The following AP1G1 variants were observed in gnomAD, a reference collection of about 807,000 sequenced individuals.
AP1G1 encodes the protein adaptor related protein complex 1 subunit gamma 1.
AP1G1 carries 7 observed loss-of-function variants against 108.3 expected under a neutral mutation model. The ratio of observed to expected loss-of-function variants is 0.06; its 90% confidence interval spans 0.04 to 0.12. The LOEUF (loss-of-function observed/expected upper bound fraction) is 0.12. Among genes scored for constraint, AP1G1 ranks in the 10% least tolerant of loss-of-function variants. AP1G1 has a pLI of 1.00. For missense variants in AP1G1, 756 were observed against 1,010.7 expected, an observed-to-expected ratio of 0.75 and a Z score of 3.42; for synonymous variants, 379 against 353.5, an observed-to-expected ratio of 1.07 and a Z score of -0.81.
At chr16:71,808,610 G>A (rs759708378) in intron 1 of AP1G1, 153 bp downstream of exon 1, 2 of 1,289,614 alleles carry the variant, frequency 1.6e-6, no homozygotes, top group South Asian at 1.2e-5. Flanking sequence ...GGGGCTCCCG[G>A]CCTCTCCTGG....
At chr16:71,746,868 C>T (rs936133701) in intron 16 of AP1G1, 176 bp from the exon 17 acceptor site, 19 of 522,114 alleles carry the variant, frequency 3.6e-5, no homozygotes, top group African/African-American at 5.8e-5. Flanking sequence ...ATCTGACATT[C>T]GCATTATACT....
chr16:71,774,784 G>A (rs1413922754), intron 2 of AP1G1, among the ~76,000 whole-genome samples, 192 bp from the exon 3 acceptor site: 1 of 151,094 alleles, frequency 6.6e-6, no homozygotes, highest in Non-Finnish European at 1.5e-5. Context: ...GCAATGGTGT[G>A]ATCTCGGCTC....
At chr16:71,782,839 C>T (rs1318279867) in intron 2 of AP1G1, among the ~76,000 whole-genome samples, 1 of 152,102 alleles carries the variant, frequency 6.6e-6, no homozygotes, top group East Asian at 1.9e-4. Flanking sequence ...ATGACTGCCT[C>T]TTCTGGTGAT....
In AP1G1 at chr16:71,745,221, A is replaced by G. The variant is rs781758741; in HGVS notation, c.1922T>C (p.Ile641Thr). 27 of 1,614,116 alleles carry G rather than the reference A, an allele frequency of 1.7e-5. No individual in the cohort carries two copies. The highest frequency in any genetic ancestry group is 2.1e-5 in the Non-Finnish European group (25 of 1,180,054). The change falls in exon 19 of 23, where the codon ATT becomes ACT. Residue 641 changes from isoleucine (I) to threonine (T), a missense_variant. Around this residue, in one of 3 missense-constraint regions of AP1G1, gnomAD observed 357 missense variants for 366.5 expected, o/e 0.97. Coordinates refer to ENST00000299980, the MANE Select transcript of AP1G1 (RefSeq NM_001128.6). ...LLGGNDITPV[I>T]PTAPTSKPSS... Reference sequence around the variant, plus strand: ...TGGTTTGCTTGTAGGCGCAGTTGGAATAACAGGTGTTATGTCATTTCCTCC... The same window carrying G: ...TGGTTTGCTTGTAGGCGCAGTTGGAGTAACAGGTGTTATGTCATTTCCTCC...
intron 6 of AP1G1, among the ~76,000 whole-genome samples, chr16:71,767,167 A>G (rs2031350956): frequency 6.6e-6 from 1 of 152,186 alleles, no homozygotes; most frequent in Admixed American, 6.6e-5. Flanking sequence ...TCCACTGCCA[A>G]AAAGGCCAGC....
chr16:71,800,990 C>T (rs2040093695), intron 1 of AP1G1, among the ~76,000 whole-genome samples: 1 of 151,760 alleles, frequency 6.6e-6, no homozygotes, highest in Non-Finnish European at 1.5e-5. Flanking sequence ...AGCAAAACTC[C>T]GTCTCAAAAA....
At chr16:71,787,181 T>C (rs2032233571) in intron 2 of AP1G1, among the ~76,000 whole-genome samples, 1 of 151,788 alleles carries the variant, frequency 6.6e-6, no homozygotes, top group East Asian at 1.9e-4. Context: ...TAGCCGGGTG[T>C]GGTGGCACAC....
At chr16:71,736,093 C>A (rs1455536051) in intron 21 of AP1G1, among the ~76,000 whole-genome samples, 3 of 23,712 alleles carry the variant, frequency 1.3e-4, no homozygotes, top group Non-Finnish European at 1.9e-4. Flanking sequence ...AGTGAGACTC[C>A]ATCTCAAAAA....
chr16:71,760,230 CTTT>C (rs58466690), intron 10 of AP1G1, among the ~76,000 whole-genome samples: 59 of 129,934 alleles, frequency 4.5e-4, no homozygotes, highest in Admixed American at 6.2e-4. Flanking sequence ...ATTTCCACAT[CTTT>C]TTTTTTTTTT....
chr16:71,785,655 C>A (rs534074566), intron 2 of AP1G1, among the ~76,000 whole-genome samples: 4 of 149,522 alleles, frequency 2.7e-5, no homozygotes, highest in Admixed American at 1.3e-4. Context: ...GAGGCCGAGG[C>A]GGGCAGATCA....
chr16:71,787,808 C>G (rs1421403102), intron 2 of AP1G1, among the ~76,000 whole-genome samples: 1 of 152,142 alleles, frequency 6.6e-6, no homozygotes, highest in Non-Finnish European at 1.5e-5. Context: ...CATTCCACTC[C>G]TAACACTCTA....
intron 1 of AP1G1, among the ~76,000 whole-genome samples, chr16:71,803,402 T>G (rs768635119): frequency 6.6e-6 from 1 of 152,128 alleles, no homozygotes; most frequent in Admixed American, 6.6e-5. Context: ...AAGTAAAATT[T>G]CCAAGTACCT....
chr16:71,742,069 A>G (rs541338402), intron 19 of AP1G1, among the ~76,000 whole-genome samples: 2 of 152,316 alleles, frequency 1.3e-5, no homozygotes, highest in South Asian at 4.1e-4. Context: ...CTTAATGTAA[A>G]AAGTGGAAAA....
chr16:71,782,985 T>C (rs2032079957), intron 2 of AP1G1, among the ~76,000 whole-genome samples: 1 of 152,170 alleles, frequency 6.6e-6, no homozygotes, highest in South Asian at 2.1e-4. Flanking sequence ...AAATAGTATC[T>C]GGAGACCACA....
intron 11 of AP1G1, 75 bp from the exon 12 acceptor site, chr16:71,756,234 T>G: frequency 7.4e-7 from 1 of 1,359,542 alleles, no homozygotes; most frequent in Non-Finnish European, 1.0e-6. Flanking sequence ...GTATGCACTC[T>G]GTGAACACCA....
chr16:71,746,671 G>A lies in AP1G1; in HGVS notation c.1647C>T (p.Ser549=). ...CCACATCAATGCTGCTTCCGTAGAT[G>A]GAAACCACTTTCTTAATTCGGCTAT... ...CTVNRIKKVV[S]IYGSSIDVEL... Residue 549 remains serine (S), a synonymous_variant, in exon 17 of 23, where the codon TCC becomes TCT. Coordinates refer to ENST00000299980, the MANE Select transcript of AP1G1 (RefSeq NM_001128.6). 1 of 1,611,758 alleles carries A rather than the reference G, an allele frequency of 6.2e-7. No homozygotes were observed. Among genetic ancestry groups the A allele is most frequent in the Non-Finnish European group, 8.5e-7 (1 of 1,179,072 alleles).
At chr16:71,765,776 G>C in intron 6 of AP1G1, 192 bp from the exon 7 acceptor site, 1 of 510,018 alleles carries the variant, frequency 2.0e-6, no homozygotes, top group Non-Finnish European at 3.6e-6. Context: ...GAAGTAGTAT[G>C]TATTTTATCT....
At chr16:71,739,138 C>A (rs373058857) in intron 20 of AP1G1, 36 bp from the exon 21 acceptor site, 1 of 1,612,330 alleles carries the variant, frequency 6.2e-7, no homozygotes, top group African/African-American at 1.3e-5. Context: ...TTATTGTAGT[C>A]AGCCTAATGC....
chr16:71,734,624 A>T lies in AP1G1; in HGVS notation c.2352T>A (p.Val784=). 1.9e-6 allele frequency: 3 copies of T among 1,613,114 alleles called. No individual in the cohort carries two copies. The highest frequency in any genetic ancestry group is 1.7e-4 in the Middle Eastern group (1 of 6,056). ...NTGTITQVIK[V]LNPQKQQLRM... is the part of the protein sequence containing the mutation. ...TGCTACTCACCTTCTGAGGGTTCAGAACTTTAATGACTTGTGTGATGGTCC... is the reference window on the plus strand; with the variant it reads ...TGCTACTCACCTTCTGAGGGTTCAGTACTTTAATGACTTGTGTGATGGTCC... The change falls in exon 22 of 23, where the codon GTT becomes GTA. Residue 784 remains valine, a synonymous_variant. Transcript: ENST00000299980.
Sources: allele counts gnomAD v4.1 joint callset (sites outside exome capture counted in the v4.1 genomes callset), GRCh38; gene constraint gnomAD v4.1.1; regional missense constraint gnomAD v4.1.1; transcripts MANE v1.5; gene names NCBI Gene and HGNC (gene_info 2026-07-23, HGNC 2026-07-21).